Variants in OSBP2 observed in about 807,000 individuals in gnomAD.
OSBP2 encodes the protein oxysterol binding protein 2.
A neutral mutation model predicts 96.0 loss-of-function variants in OSBP2; 66 were observed. The ratio of observed to expected loss-of-function variants is 0.69; its 90% CI spans 0.56 to 0.84. OSBP2 has a LOEUF of 0.84. Among genes scored for constraint, OSBP2 ranks in the 40% least tolerant of loss-of-function variants. OSBP2 has a pLI of 0.00. For missense variants in OSBP2, 1,038 were observed against 1,222.7 expected, an observed-to-expected ratio of 0.85 and a Z score of 2.25; for synonymous variants, 525 against 520.9, an observed-to-expected ratio of 1.01 and a Z score of -0.11.
intron 2 of OSBP2, among the ~76,000 whole-genome samples, chr22:30,812,687 C>A (rs901027355): frequency 6.6e-6 from 1 of 152,128 alleles, no homozygotes; most frequent in South Asian, 2.1e-4. Flanking sequence ...TGATAAGTAT[C>A]AACAGATGCT....
chr22:30,723,384 C>T (rs1371897983), intron 1 of OSBP2, among the ~76,000 whole-genome samples: 4 of 151,796 alleles, frequency 2.6e-5, no homozygotes, highest in East Asian at 1.9e-4. Flanking sequence ...GGATTACAGG[C>T]GTGAGCCACC....
intron 2 of OSBP2, among the ~76,000 whole-genome samples, chr22:30,830,403 G>A (rs2038496319): frequency 6.6e-6 from 1 of 152,264 alleles, no homozygotes; most frequent in Non-Finnish European, 1.5e-5. Flanking sequence ...CCCTGGGGCT[G>A]CCTGCCGCAT....
intron 2 of OSBP2, among the ~76,000 whole-genome samples, chr22:30,779,958 T>C (rs2090493888): frequency 1.3e-5 from 2 of 152,238 alleles, no homozygotes; most frequent in South Asian, 4.1e-4. Context: ...AGGCTGTCTG[T>C]TGCCCCTTGG....
At chr22:30,696,427 A>G (rs186876093) in intron 1 of OSBP2, among the ~76,000 whole-genome samples, 54 of 152,264 alleles carry the variant, frequency 3.5e-4, no homozygotes, top group African/African-American at 2.4e-4. Context: ...GGCCTCCCCA[A>G]TGAATTTCTG....
At chr22:30,699,516 C>A (rs1467059955) in intron 1 of OSBP2, among the ~76,000 whole-genome samples, 1 of 152,094 alleles carries the variant, frequency 6.6e-6, no homozygotes, top group Non-Finnish European at 1.5e-5. Context: ...ATTTATATTC[C>A]CAACGGTCAT....
chr22:30,731,438 G>A (rs2089777334), intron 1 of OSBP2: 1 of 152,410 alleles, frequency 6.6e-6, no homozygotes, highest in African/African-American at 2.4e-5. Context: ...AGAGTGGGGG[G>A]AGATTCATCT....
At chr22:30,731,148 TG>T (rs1419244970) in intron 1 of OSBP2, among the ~76,000 whole-genome samples, 1 of 151,792 alleles carries the variant, frequency 6.6e-6, no homozygotes, top group Non-Finnish European at 1.5e-5. Context: ...CACTCCAGCC[TG>T]GGCGGCAGAG....
At chr22:30,823,294 T>A (rs1169335095) in intron 2 of OSBP2, among the ~76,000 whole-genome samples, 1 of 152,230 alleles carries the variant, frequency 6.6e-6, no homozygotes, top group Non-Finnish European at 1.5e-5. Flanking sequence ...ACCTTAGCTG[T>A]CTTAAATGGA....
upstream of OSBP2, chr22:30,693,883 T>A: frequency 1.7e-6 from 1 of 581,704 alleles, no homozygotes; most frequent in Admixed American, 3.0e-5. Flanking sequence ...GAGAATCGCT[T>A]GAACCTGGGA....
chr22:30,896,163 G>A (rs2040063258), intron 12 of OSBP2, among the ~76,000 whole-genome samples: 1 of 151,708 alleles, frequency 6.6e-6, no homozygotes, highest in African/African-American at 2.4e-5. Context: ...GAGATTACAG[G>A]GGCATGCTAC....
At chr22:30,743,612 C>T (rs1443565399) in intron 2 of OSBP2, among the ~76,000 whole-genome samples, 2 of 152,144 alleles carry the variant, frequency 1.3e-5, no homozygotes, top group African/African-American at 4.8e-5. Context: ...GGGCTCAGGG[C>T]ACTCACACTG....
At chr22:30,781,631 C>T (rs1182528189) in intron 2 of OSBP2, among the ~76,000 whole-genome samples, 1 of 152,134 alleles carries the variant, frequency 6.6e-6, no homozygotes, top group Non-Finnish European at 1.5e-5. Flanking sequence ...AATGGGCTGA[C>T]CAGGGAGCCG....
At chr22:30,716,555 A>T (rs1397964128) in intron 1 of OSBP2, among the ~76,000 whole-genome samples, 1 of 151,924 alleles carries the variant, frequency 6.6e-6, no homozygotes, top group African/African-American at 2.4e-5. Flanking sequence ...CTCCTGCCTC[A>T]GCCTTCTGAG....
intron 2 of OSBP2, among the ~76,000 whole-genome samples, chr22:30,775,908 T>C (rs541600650): frequency 1.3e-3 from 196 of 151,778 alleles, no homozygotes; most frequent in Admixed American, 4.1e-3. Context: ...GTGATTCTCC[T>C]GACTCAGCCT....
chr22:30,715,060 T>C (rs1163895559), intron 1 of OSBP2, among the ~76,000 whole-genome samples: 2 of 152,110 alleles, frequency 1.3e-5, no homozygotes, highest in African/African-American at 4.8e-5. Flanking sequence ...GTTTCTTTTT[T>C]TTTTTTAATT....
chr22:30,894,359 A>AT (rs2040019141), intron 12 of OSBP2: 1 of 225,212 alleles, frequency 4.4e-6, no homozygotes, highest in African/African-American at 2.3e-5. Context: ...GGAAAAAAAA[A>AT]TGACTGACAT....
chr22:30,861,803 G>A (rs1216471909), intron 2 of OSBP2, among the ~76,000 whole-genome samples: 1 of 152,166 alleles, frequency 6.6e-6, no homozygotes, highest in South Asian at 2.1e-4. Context: ...CCTCAGGGGC[G>A]CTGCTCCTGC....
Position 30,694,939 on chromosome 22 carries a change from C to T in OSBP2, c.30C>T (p.Gly10=), listed in dbSNP as rs1465227974. 7.3e-6 allele frequency: 11 copies of T among 1,507,954 alleles called. No individual in the cohort carries two copies. Among genetic ancestry groups the T allele is most frequent in the Non-Finnish European group, 9.7e-6 (11 of 1,139,390 alleles). 93.4% of individuals were successfully genotyped at this position (1,507,954 alleles called of 1,614,324 possible). A position where few individuals can be genotyped will look rare whatever the true frequency, so the allele number is the denominator to read the frequency against. The change falls in exon 1 of 14, where the codon GGC becomes GGT. Residue 10 remains glycine (G), a synonymous_variant. Coordinates refer to ENST00000332585, the MANE Select transcript of OSBP2 (RefSeq NM_030758.4). ...GGAAAGCGGCGGCTCCGAGCCGAGG[C>T]GGCGGCTGTGGCGGCCGCTCCCGCG... is the stretch of plus-strand genomic sequence containing the variant. MGKAAAPSR[G]GGCGGRSRGL...
intron 2 of OSBP2, among the ~76,000 whole-genome samples, chr22:30,802,275 C>A (rs1231401759): frequency 1.3e-5 from 2 of 152,168 alleles, no homozygotes; most frequent in African/African-American, 4.8e-5. Context: ...AATGTGGAAG[C>A]GGTTCTGCGA....
Sources: allele counts gnomAD v4.1 joint callset (sites outside exome capture counted in the v4.1 genomes callset), GRCh38; gene constraint gnomAD v4.1.1; transcripts MANE v1.5; gene names NCBI Gene and HGNC (gene_info 2026-07-23, HGNC 2026-07-21).